Variants in QTMAN observed in about 807,000 individuals in gnomAD.
QTMAN encodes the protein tRNA-queuosine alpha-mannosyltransferase.
At chr2:144,088,927 A>G in the QTMAN span, among the ~76,000 whole-genome samples, 1 of 152,078 alleles carries the variant, frequency 6.6e-6, no homozygotes, top group Non-Finnish European at 1.5e-5. Flanking sequence ...ATTTATGGCT[A>G]AGACCTAAAA....
the QTMAN span, among the ~76,000 whole-genome samples, chr2:144,318,354 T>C: frequency 6.6e-6 from 1 of 152,212 alleles, no homozygotes; most frequent in East Asian, 1.9e-4. Context: ...AAATGAATGA[T>C]GGCATTTAAT....
the QTMAN span, among the ~76,000 whole-genome samples, chr2:144,253,815 G>A: frequency 0.15 from 22,326 of 151,768 alleles, 2,630 homozygotes; most frequent in African/African-American, 0.33. Flanking sequence ...AGAAATTTTC[G>A]TAAGTAACAA....
chr2:143,964,687 C>T, the QTMAN span, among the ~76,000 whole-genome samples: 2 of 151,954 alleles, frequency 1.3e-5, no homozygotes, highest in Admixed American at 1.3e-4. Context: ...TATAATTATC[C>T]AACATTTGAC....
the QTMAN span, among the ~76,000 whole-genome samples, chr2:144,328,965 A>T: frequency 6.2e-4 from 95 of 152,072 alleles, no homozygotes; most frequent in Middle Eastern, 6.8e-3. Context: ...GTTTTTTTTT[A>T]AAAAATAACC....
At chr2:144,102,785 T>C in the QTMAN span, among the ~76,000 whole-genome samples, 2,092 of 152,332 alleles carry the variant, frequency 0.014, 45 homozygotes, top group African/African-American at 0.046. Context: ...ACCCAGCACA[T>C]TGCTTACAGT....
chr2:144,194,640 G>C, the QTMAN span, among the ~76,000 whole-genome samples: 2 of 152,198 alleles, frequency 1.3e-5, no homozygotes, highest in African/African-American at 4.8e-5. Flanking sequence ...GACAAAATAA[G>C]TGAGAGAACA....
chr2:144,113,766 G>C, the QTMAN span, among the ~76,000 whole-genome samples: 1 of 152,208 alleles, frequency 6.6e-6, no homozygotes, highest in Non-Finnish European at 1.5e-5. Context: ...TTTCTCATCA[G>C]AATCTGTTTG....
the QTMAN span, among the ~76,000 whole-genome samples, chr2:144,199,920 G>A: frequency 6.6e-6 from 1 of 151,942 alleles, no homozygotes; most frequent in Admixed American, 6.6e-5. Flanking sequence ...AATAATTAAT[G>A]GCAGAGCTGA....
chr2:144,014,679 C>T, the QTMAN span, among the ~76,000 whole-genome samples: 1 of 152,138 alleles, frequency 6.6e-6, no homozygotes, highest in Non-Finnish European at 1.5e-5. Flanking sequence ...GAGAATCTTC[C>T]ATTGTTAAAA....
chr2:144,161,055 C>G, the QTMAN span, among the ~76,000 whole-genome samples: 1 of 152,068 alleles, frequency 6.6e-6, no homozygotes, highest in Non-Finnish European at 1.5e-5. Context: ...TTTGGGACAT[C>G]TGAGTATGGC....
the QTMAN span, among the ~76,000 whole-genome samples, chr2:144,138,867 T>C: frequency 1.3e-5 from 2 of 152,082 alleles, no homozygotes; most frequent in East Asian, 1.9e-4. Flanking sequence ...CATCTGAATC[T>C]TATGAATCAC....
At chr2:143,957,472 C>CT in the QTMAN span, 1 of 521,464 alleles carries the variant, frequency 1.9e-6, no homozygotes, top group Non-Finnish European at 3.1e-6. Flanking sequence ...GAGTTGTTTG[C>CT]TTTTATAATC....
the QTMAN span, among the ~76,000 whole-genome samples, chr2:144,120,445 T>C: frequency 6.6e-6 from 1 of 152,214 alleles, no homozygotes; most frequent in Non-Finnish European, 1.5e-5. Context: ...GTTTTGGATC[T>C]AGAGGTTAAT....
chr2:144,132,468 T>C, the QTMAN span, among the ~76,000 whole-genome samples: 1 of 152,082 alleles, frequency 6.6e-6, no homozygotes, highest in Non-Finnish European at 1.5e-5. Context: ...TAGAATTACT[T>C]CTGTACTGAT....
chr2:144,022,084 G>C, the QTMAN span, among the ~76,000 whole-genome samples: 6 of 152,156 alleles, frequency 3.9e-5, no homozygotes, highest in Non-Finnish European at 8.8e-5. Flanking sequence ...TAAACCTTTT[G>C]TTGTACTCTC....
chr2:144,083,092 G>A, the QTMAN span, among the ~76,000 whole-genome samples: 24 of 126,166 alleles, frequency 1.9e-4, no homozygotes, highest in African/African-American at 6.8e-4. Context: ...TAATGCCTTA[G>A]GCTTGGATCT....
At chr2:144,045,764 A>G in the QTMAN span, among the ~76,000 whole-genome samples, 10 of 152,360 alleles carry the variant, frequency 6.6e-5, no homozygotes, top group African/African-American at 2.2e-4. Flanking sequence ...CATAATGCAT[A>G]GGAAGGACTA....
chr2:144,180,590 A>G, the QTMAN span, among the ~76,000 whole-genome samples: 1 of 152,324 alleles, frequency 6.6e-6, no homozygotes, highest in African/African-American at 2.4e-5. Flanking sequence ...GTGTCAAATA[A>G]TTACAATTTT....
At chr2:144,302,483 C>G in the QTMAN span, among the ~76,000 whole-genome samples, 6 of 152,180 alleles carry the variant, frequency 3.9e-5, no homozygotes, top group East Asian at 1.2e-3. Flanking sequence ...AAAGGTGTAT[C>G]TTAGGAGAGC....
Sources: allele counts gnomAD v4.1 joint callset (sites outside exome capture counted in the v4.1 genomes callset), GRCh38; gene constraint gnomAD v4.1.1; transcripts MANE v1.5; gene names NCBI Gene and HGNC (gene_info 2026-07-23, HGNC 2026-07-21).